Variants in TMEM223 observed in about 807,000 individuals in gnomAD.
TMEM223 encodes transmembrane protein 223.
Under a neutral mutation model 14.1 loss-of-function variants are expected in TMEM223, and 14 were observed. The ratio of observed to expected loss-of-function variants is 0.99; its 90% CI spans 0.66 to 1.55. TMEM223 has a LOEUF of 1.55. Ranked by LOEUF, TMEM223 falls within the 40% of genes most tolerant of loss-of-function variation. TMEM223 has a pLI of 0.00. For synonymous variants in TMEM223, 145 were observed against 120.5 expected (o/e 1.20, Z -1.33); for missense variants, 346 against 269.9 (o/e 1.28, Z -1.97).
chr11:62,790,104 C>T lies in TMEM223; in HGVS notation c.*519G>A, dbSNP rs144162053. On this transcript the variant is annotated 3_prime_UTR_variant, in exon 2 of 2. Transcript: ENST00000307366. Reference sequence around the variant, plus strand: ...ACTCCATGCCCAAGTGCCTGTAATCCCCCCCCTCAAGGCCCTGTTTATGTT... The same window carrying T: ...ACTCCATGCCCAAGTGCCTGTAATCTCCCCCCTCAAGGCCCTGTTTATGTT... The T allele has an allele frequency of 1.0e-4, 154 of 1,503,676 alleles. No individual in the cohort carries two copies. Among genetic ancestry groups the T allele is most frequent in the Non-Finnish European group, 1.2e-4 (135 of 1,126,572 alleles). The allele number at this position is 1,503,676 out of a possible 1,614,324, so 93.1% of individuals were successfully genotyped here. A position where few individuals can be genotyped will look rare whatever the true frequency, so the allele number is the denominator to read the frequency against.
At chr11:62,789,593 C>T (rs763941385), downstream of TMEM223, 1 of 1,549,598 alleles carries the variant, frequency 6.5e-7, no homozygotes, top group South Asian at 1.3e-5. Context: ...GTCTCTTTGA[C>T]CTCACAGCTG....
At chr11:62,775,927 G>T in intron 1 of TMEM223, 1 of 1,607,236 alleles carries the variant, frequency 6.2e-7, no homozygotes, top group Non-Finnish European at 8.5e-7. Context: ...GAGAGGCCAC[G>T]CAGGTACACT....
At chr11:62,782,377 C>A (rs2084236929) in intron 1 of TMEM223, 7 of 1,589,162 alleles carry the variant, frequency 4.4e-6, no homozygotes, top group Non-Finnish European at 5.1e-6. Flanking sequence ...GCTGCAGAGC[C>A]AAGTGGGTTG....
chr11:62,787,528 G>A (rs971646127), downstream of TMEM223: 12 of 1,564,228 alleles, frequency 7.7e-6, no homozygotes, highest in East Asian at 9.3e-5. Flanking sequence ...TCGGACCCAG[G>A]TGCGGCTGCG....
intron 1 of TMEM223, chr11:62,782,386 TG>T (rs761917497): frequency 7.0e-6 from 11 of 1,576,794 alleles, no homozygotes; most frequent in Non-Finnish European, 8.6e-6. Flanking sequence ...CCAAGTGGGT[TG>T]GGGTAAGGAA....
chr11:62,783,534 T>G (rs180950096), downstream of TMEM223, among the ~76,000 whole-genome samples: 201 of 145,764 alleles, frequency 1.4e-3, no homozygotes, highest in Non-Finnish European at 2.6e-3. Flanking sequence ...AGAGGGAGGA[T>G]CTTTTTTTTT....
chr11:62,776,289 T>C (rs766568968), intron 1 of TMEM223: 1 of 1,279,962 alleles, frequency 7.8e-7, no homozygotes, highest in Non-Finnish European at 1.1e-6. Context: ...TGGTCTCCTG[T>C]TTGCCTTCTC....
At chr11:62,774,745 T>G in intron 1 of TMEM223, 2 of 442,542 alleles carry the variant, frequency 4.5e-6, no homozygotes, top group South Asian at 3.1e-5. Flanking sequence ...AAAGCCCAGC[T>G]ACTATCCAGC....
downstream of TMEM223, chr11:62,787,216 A>C (rs756758938): frequency 1.9e-6 from 3 of 1,587,884 alleles, no homozygotes; most frequent in South Asian, 3.3e-5. Context: ...CTACGTGCAG[A>C]AACTGCCCAT....
downstream of TMEM223, chr11:62,789,371 C>T (rs749802114): frequency 1.1e-5 from 18 of 1,613,934 alleles, no homozygotes; most frequent in Non-Finnish European, 1.5e-5. Flanking sequence ...CTGTATCCTT[C>T]GATTTGGCAC....
chr11:62,773,484 G>T (rs1358414649), intron 2 of TMEM223, among the ~76,000 whole-genome samples: 1 of 141,934 alleles, frequency 7.0e-6, no homozygotes, highest in Non-Finnish European at 1.5e-5. Context: ...TTTTCCCCTT[G>T]TTACCCAGAA....
chr11:62,789,178 G>A, downstream of TMEM223: 1 of 1,614,134 alleles, frequency 6.2e-7, no homozygotes, highest in South Asian at 1.1e-5. Flanking sequence ...TGCTCTTCTG[G>A]ATCTACAGCA....
At chr11:62,776,043 A>G (rs1299148125) in intron 1 of TMEM223, 6 of 1,332,426 alleles carry the variant, frequency 4.5e-6, no homozygotes, top group Non-Finnish European at 6.1e-6. Context: ...TCCATACAAC[A>G]GAGACAGTCC....
chr11:62,788,556 TAGCC>T (rs1225732213), downstream of TMEM223, among the ~76,000 whole-genome samples: 2 of 151,136 alleles, frequency 1.3e-5, no homozygotes, highest in Admixed American at 6.6e-5. Flanking sequence ...TACAAACAAT[TAGCC>T]AGGCATGGTG....
chr11:62,789,417 C>CTA, downstream of TMEM223: 1 of 1,613,876 alleles, frequency 6.2e-7, no homozygotes, highest in Non-Finnish European at 8.5e-7. Flanking sequence ...TCCTTGAACA[C>CTA]TACAATTAGG....
rs544359056 is a variant in TMEM223, at chr11:62,773,193, G to C, written c.386-1061C>G. On this transcript the variant is annotated intron_variant, in intron 2 of 2. Transcript: ENST00000528367. ...GATGGAGTCTTGCTCTGTCGCCCAG[G>C]CTGGAGTGCAGTGGTGCGATCTTGG... Among the ~76,000 whole-genome samples, 15 of 151,554 alleles carry C rather than the reference G, an allele frequency of 9.9e-5. No individual in the cohort carries two copies. In the East Asian group the frequency reaches 2.7e-3, roughly 28 times the overall value.
At chr11:62,776,273 T>A (rs2084187505) in intron 1 of TMEM223, 2 of 1,078,436 alleles carry the variant, frequency 1.9e-6, no homozygotes, top group Non-Finnish European at 2.8e-6. Flanking sequence ...TTCTGATCCC[T>A]AAGCGTGGTC....
chr11:62,782,797 T>C (rs758891393), downstream of TMEM223: 1 of 1,613,904 alleles, frequency 6.2e-7, no homozygotes, highest in Non-Finnish European at 8.5e-7. Context: ...TATGGAGCCG[T>C]GGTGGGGCTG....
intron 1 of TMEM223, among the ~76,000 whole-genome samples, chr11:62,777,793 C>T (rs1414764420): frequency 2.6e-5 from 4 of 152,142 alleles, no homozygotes; most frequent in African/African-American, 9.7e-5. Context: ...ACCCAGGGAG[C>T]CCCGGATGCT....
Sources: allele counts gnomAD v4.1 joint callset (sites outside exome capture counted in the v4.1 genomes callset), GRCh38; gene constraint gnomAD v4.1.1; transcripts MANE v1.5; gene names NCBI Gene and HGNC (gene_info 2026-07-23, HGNC 2026-07-21).